ANKRD42: variants seen among roughly 807,000 people sequenced by gnomAD.
The protein encoded by ANKRD42 is ankyrin repeat domain-containing protein 42.
Under a neutral mutation model 51.5 loss-of-function variants are expected in ANKRD42, and 43 were observed. The ratio of observed to expected loss-of-function variants is 0.83; its 90% CI spans 0.65 to 1.08. ANKRD42 has a LOEUF of 1.08. Among genes scored for constraint, ANKRD42 ranks in the 50% least tolerant of loss-of-function variants. The pLI is 0.00. For missense variants in ANKRD42, 608 were observed against 629.3 expected (o/e 0.97, Z 0.36); for synonymous variants, 203 against 213.0 (o/e 0.95, Z 0.41).
At chr11:83,228,848 C>G (rs1323537315) in intron 7 of ANKRD42, among the ~76,000 whole-genome samples, 1 of 152,078 alleles carries the variant, frequency 6.6e-6, no homozygotes, top group Non-Finnish European at 1.5e-5. Context: ...GAGTATCTCA[C>G]TCCATCCATT....
chr11:83,196,396 AGAGTGTGT>A (rs1320949817), intron 1 of ANKRD42, among the ~76,000 whole-genome samples: 14 of 133,036 alleles, frequency 1.1e-4, no homozygotes, highest in African/African-American at 3.0e-4. Context: ...TGAGTGTGTG[AGAGTGTGT>A]GTGTGTGTGT....
At chr11:83,226,548 G>A (rs1427202427) in intron 6 of ANKRD42, among the ~76,000 whole-genome samples, 2 of 152,154 alleles carry the variant, frequency 1.3e-5, no homozygotes, top group African/African-American at 4.8e-5. Flanking sequence ...AAAGTTGGAA[G>A]GACTTACACG....
At chr11:83,253,912 A>C (rs1184742856), downstream of ANKRD42, among the ~76,000 whole-genome samples, 4 of 152,194 alleles carry the variant, frequency 2.6e-5, no homozygotes, top group Non-Finnish European at 4.4e-5. Flanking sequence ...GGACTTTGGA[A>C]AATTTGGAAT....
In ANKRD42 at chr11:83,225,014, AG is replaced by A. The variant is rs745763548; in HGVS notation, c.751del (p.Ala251LeufsTer8). ...AAGCAGAACATTTTACAGTTTATCCAGGGGGCTGAGTATGAAGGAAAAGACC... is the reference window on the plus strand; with the variant it reads ...AAGCAGAACATTTTACAGTTTATCCAGGGGCTGAGTATGAAGGAAAAGACC... ...FFKQNILQFI[Q>X]GAEYEGKDLE... On this transcript the variant is annotated frameshift_variant, in exon 6 of 11. Transcript: ENST00000533342. LOFTEE classifies it high-confidence loss of function. The A allele has an allele frequency of 2.1e-5, 34 of 1,612,954 alleles. 2 individuals carry two copies. The South Asian group carries it at 3.5e-4, about 17-fold the overall frequency.
chr11:83,210,334 AGGATGACCGG>A lies in ANKRD42; in HGVS notation c.371_380del (p.Asp124AlafsTer18). Reference sequence around the variant, plus strand: ...ATGAATGGAGCAAATCTGACAGCCCAGGATGACCGGGGATGCACTCCTTTACATCTTGCTG... The same window carrying A: ...ATGAATGGAGCAAATCTGACAGCCCAGGATGCACTCCTTTACATCTTGCTG... On this transcript the variant is annotated frameshift_variant, in exon 4 of 11. Coordinates refer to ENST00000533342, the MANE Select transcript of ANKRD42 (RefSeq NM_001300975.2). LOFTEE classifies it high-confidence loss of function. The A allele has an allele frequency of 6.2e-7, 1 of 1,613,964 alleles. No individual in the cohort carries two copies.
chr11:83,208,320 C>T (rs952850565), intron 3 of ANKRD42, among the ~76,000 whole-genome samples: 6 of 152,062 alleles, frequency 3.9e-5, no homozygotes, highest in Non-Finnish European at 5.9e-5. Context: ...GCATGAGCCA[C>T]GGCATCTGGC....
downstream of ANKRD42, among the ~76,000 whole-genome samples, chr11:83,262,740 C>A (rs1201755874): frequency 6.6e-6 from 1 of 152,152 alleles, no homozygotes; most frequent in Admixed American, 6.5e-5. Flanking sequence ...TTGTACACCA[C>A]CCCATTTGAT....
At chr11:83,243,136 G>A (rs1863442933) in intron 9 of ANKRD42, among the ~76,000 whole-genome samples, 1 of 152,132 alleles carries the variant, frequency 6.6e-6, no homozygotes, top group South Asian at 2.1e-4. Flanking sequence ...CCCAGCATCT[G>A]TTGTTTTTTG....
intron 7 of ANKRD42, among the ~76,000 whole-genome samples, chr11:83,232,658 C>T (rs575378218): frequency 6.6e-6 from 1 of 152,094 alleles, no homozygotes; most frequent in East Asian, 1.9e-4. Flanking sequence ...AAGTGGGCAT[C>T]CTTGTGTTCC....
chr11:83,240,797 T>C lies in ANKRD42; in HGVS notation c.1058T>C (p.Leu353Pro). 1 of 1,614,106 alleles carries C rather than the reference T, an allele frequency of 6.2e-7. No homozygotes were observed. The highest frequency in any genetic ancestry group is 1.1e-5 in the South Asian group (1 of 91,082). ...HLAAVKLLEE[L>P]QKYDIDDENE... ...GCAGCAGTGAAGCTGTTAGAGGAGC[T>C]ACAGAAATATGATATAGATGACGAA... Residue 353 changes from leucine to proline, a missense_variant, in exon 9 of 11, where the codon CTA becomes CCA. Physicochemically the swap from Leu to Pro is moderately conservative, Grantham distance 98. Coordinates refer to ENST00000533342, the MANE Select transcript of ANKRD42 (RefSeq NM_001300975.2).
chr11:83,255,794 A>G (rs1485217209), intron 11 of ANKRD42: 81 of 1,420,618 alleles, frequency 5.7e-5, no homozygotes, highest in Non-Finnish European at 7.1e-5. Context: ...AAAGACGAAA[A>G]TGTGTGCTAG....
intron 2 of ANKRD42, among the ~76,000 whole-genome samples, chr11:83,199,300 T>C (rs1300544239): frequency 1.3e-5 from 2 of 152,202 alleles, no homozygotes; most frequent in Non-Finnish European, 2.9e-5. Context: ...GTGTTTATTA[T>C]TCCTATCTAT....
chr11:83,258,537 T>C (rs941485002), downstream of ANKRD42, among the ~76,000 whole-genome samples: 7 of 152,138 alleles, frequency 4.6e-5, no homozygotes, highest in African/African-American at 1.4e-4. Context: ...GACAAGTTAC[T>C]TCACTTGGCT....
chr11:83,212,421 A>G (rs1165258543), intron 5 of ANKRD42, among the ~76,000 whole-genome samples: 1 of 152,118 alleles, frequency 6.6e-6, no homozygotes, highest in Admixed American at 6.6e-5. Context: ...TAAATGGAGG[A>G]TACTAGTTAA....
intron 3 of ANKRD42, 100 bp from the exon 4 acceptor site, chr11:83,210,200 C>A (rs1455335144): frequency 2.6e-6 from 3 of 1,170,754 alleles, no homozygotes; most frequent in Non-Finnish European, 3.6e-6. Context: ...AAGAATTTAG[C>A]TATAGATTAA....
chr11:83,231,940 T>C (rs1565191935), intron 7 of ANKRD42, among the ~76,000 whole-genome samples: 1 of 152,186 alleles, frequency 6.6e-6, no homozygotes, highest in African/African-American at 2.4e-5. Flanking sequence ...TCCCAGCTAT[T>C]GGTCTATGTG....
At chr11:83,202,756 A>G (rs1341655159) in intron 2 of ANKRD42, among the ~76,000 whole-genome samples, 3 of 152,188 alleles carry the variant, frequency 2.0e-5, no homozygotes, top group Non-Finnish European at 1.5e-5. Flanking sequence ...TAAAAAGTGT[A>G]TAACTTTAAA....
intron 8 of ANKRD42, among the ~76,000 whole-genome samples, chr11:83,240,055 A>G (rs1863341992): frequency 6.6e-6 from 1 of 152,210 alleles, no homozygotes; most frequent in African/African-American, 2.4e-5. Flanking sequence ...ATGAGAAAAT[A>G]GGATTTAAGG....
intron 5 of ANKRD42, chr11:83,213,009 C>T: frequency 6.3e-7 from 1 of 1,599,596 alleles, no homozygotes; most frequent in Non-Finnish European, 8.5e-7. Flanking sequence ...AGCATCATGG[C>T]CACCCTCAGA....
Sources: gnomAD v4.1 joint callset for allele counts (sites outside exome capture counted in the v4.1 genomes callset) on GRCh38, gnomAD v4.1.1 for gene constraint, MANE v1.5 for transcripts, NCBI Gene and HGNC (gene_info 2026-07-23, HGNC 2026-07-21) for gene names.